Variants in CBLN2 observed in about 807,000 individuals in gnomAD.
CBLN2 encodes cerebellin 2 precursor.
In CBLN2, 7 loss-of-function variants were observed where a neutral mutation model predicts 15.0. The observed-to-expected ratio is 0.47, with a 90% CI of 0.27 to 0.88. The LOEUF is 0.88. CBLN2 is among the 40% of genes least tolerant of loss of function. The probability of loss-of-function intolerance (pLI) is 0.14; values close to 1 mark genes in which losing one functional copy is unlikely to be tolerated. For synonymous variants in CBLN2, 149 were observed against 135.2 expected (o/e 1.10, Z -0.71); for missense variants, 242 against 304.5 (o/e 0.79, Z 1.53).
intron 1 of CBLN2, among the ~76,000 whole-genome samples, chr18:72,551,059 A>G (rs2069189033): frequency 1.3e-5 from 2 of 152,026 alleles, no homozygotes; most frequent in Non-Finnish European, 1.5e-5. Context: ...ATTGCAAACA[A>G]GTACCGTGAC....
intron 3 of CBLN2, 79 bp from the exon 4 acceptor site, chr18:72,538,851 C>T: frequency 1.3e-6 from 2 of 1,551,292 alleles, no homozygotes; most frequent in Non-Finnish European, 8.7e-7. Context: ...GGATAACCAG[C>T]AACACTGCCT....
At chr18:72,550,215 T>C (rs1200786490) in intron 1 of CBLN2, among the ~76,000 whole-genome samples, 1 of 152,230 alleles carries the variant, frequency 6.6e-6, no homozygotes, top group African/African-American at 2.4e-5. Context: ...TGATAAGTCA[T>C]GGAACTGCTA....
At chr18:72,561,260 G>T (rs78820025) in intron 1 of CBLN2, among the ~76,000 whole-genome samples, 5 of 87,356 alleles carry the variant, frequency 5.7e-5, no homozygotes, top group African/African-American at 1.0e-4. Flanking sequence ...AAAAAAAAAA[G>T]ATGCTTGACA....
At chr18:72,557,481 A>T (rs2144888887) in intron 1 of CBLN2, among the ~76,000 whole-genome samples, 1 of 152,352 alleles carries the variant, frequency 6.6e-6, no homozygotes, top group South Asian at 2.1e-4. Flanking sequence ...TGGTTGAAGT[A>T]ATTTTCATTC....
intron 1 of CBLN2, among the ~76,000 whole-genome samples, chr18:72,622,039 C>T (rs1366848653): frequency 6.6e-6 from 1 of 152,068 alleles, no homozygotes. Flanking sequence ...TTTTAATTTT[C>T]TATTTTTATA....
rs114297341 is a variant in CBLN2 at position 72,630,549 on chromosome 18, A to C, written c.15+7776T>G. 9.0e-3 allele frequency among the ~76,000 whole-genome samples: 1,328 copies of C among 147,390 alleles called. 14 individuals carry two copies. Among genetic ancestry groups the C allele is most frequent in the African/African-American group, 0.025 (972 of 38,708 alleles). On this transcript the variant is annotated intron_variant, in intron 1 of 2. Transcript: ENST00000581073. ...TGCACAACTCACAACCCTCCCCCCC[A>C]CACACACACACATGCAGAGAGAGAG... is the stretch of plus-strand genomic sequence containing the variant.
chr18:72,576,061 G>A (rs1306043572), intron 1 of CBLN2, among the ~76,000 whole-genome samples: 2 of 152,176 alleles, frequency 1.3e-5, no homozygotes, highest in Non-Finnish European at 2.9e-5. Context: ...CAGGAAGTGA[G>A]TAGATGTTAG....
chr18:72,538,630 G>C, intron 4 of CBLN2, 23 bp downstream of exon 4: 7 of 1,612,926 alleles, frequency 4.3e-6, no homozygotes, highest in Non-Finnish European at 5.9e-6. Context: ...AACCTGAAAG[G>C]ATCCAGTTTC....
At chr18:72,542,482 G>C (rs1454836895) in intron 2 of CBLN2, among the ~76,000 whole-genome samples, 156 bp from the exon 3 acceptor site, 1 of 152,000 alleles carries the variant, frequency 6.6e-6, no homozygotes, top group South Asian at 2.1e-4. Context: ...TGGCACAACA[G>C]GTCCGGAGAA....
intron 1 of CBLN2, among the ~76,000 whole-genome samples, chr18:72,600,794 G>A (rs570239901): frequency 6.6e-6 from 1 of 152,246 alleles, no homozygotes; most frequent in East Asian, 1.9e-4. Flanking sequence ...GGTGGGTGGG[G>A]GCTAAAGAAC....
rs138844085 is a variant in CBLN2, at chr18:72,551,992, C to T, written c.16-13220G>A. ...TTTCTTTGTGTATGTGATTGTGTTACCCAGTTCCTATGTTCTCTTAGCCTT... is the reference window on the plus strand; with the variant it reads ...TTTCTTTGTGTATGTGATTGTGTTATCCAGTTCCTATGTTCTCTTAGCCTT... On this transcript the variant is annotated intron_variant, in intron 1 of 2. Transcript: ENST00000581073. Among the ~76,000 whole-genome samples the T allele has an allele frequency of 4.3e-3, 662 of 152,232 alleles. 2 individuals are homozygous for T. Among genetic ancestry groups the T allele is most frequent in the Middle Eastern group, 0.034 (10 of 294 alleles).
chr18:72,566,689 A>G (rs1344821109), intron 1 of CBLN2, among the ~76,000 whole-genome samples: 1 of 152,208 alleles, frequency 6.6e-6, no homozygotes, highest in Non-Finnish European at 1.5e-5. Context: ...GTTAATGAGT[A>G]CAATGTTACA....
intron 1 of CBLN2, among the ~76,000 whole-genome samples, chr18:72,575,597 C>A (rs1335628091): frequency 6.6e-6 from 1 of 152,088 alleles, no homozygotes; most frequent in Non-Finnish European, 1.5e-5. Flanking sequence ...GAAAGAAGAG[C>A]CCCTGTTTCA....
At chr18:72,596,279 T>A (rs1288089225) in intron 1 of CBLN2, among the ~76,000 whole-genome samples, 1 of 151,726 alleles carries the variant, frequency 6.6e-6, no homozygotes, top group Non-Finnish European at 1.5e-5. Flanking sequence ...AAACAAAAAA[T>A]TAATAAAAAC....
chr18:72,568,366 G>A (rs908241841), intron 1 of CBLN2, among the ~76,000 whole-genome samples: 10 of 152,138 alleles, frequency 6.6e-5, no homozygotes, highest in Non-Finnish European at 4.4e-5. Flanking sequence ...AGCATCATCA[G>A]CCAAAACTGA....
chr18:72,631,848 C>G (rs1029940444), intron 1 of CBLN2, among the ~76,000 whole-genome samples: 6 of 152,090 alleles, frequency 3.9e-5, no homozygotes, highest in African/African-American at 1.4e-4. Flanking sequence ...CACAATGTAG[C>G]AGGGATGAAG....
At chr18:72,593,831 T>A (rs1397866797) in intron 1 of CBLN2, among the ~76,000 whole-genome samples, 1 of 152,142 alleles carries the variant, frequency 6.6e-6, no homozygotes, top group Non-Finnish European at 1.5e-5. Flanking sequence ...ATGTCATGCA[T>A]GCATAAGTTT....
In CBLN2 at chr18:72,611,252, A is replaced by C. The variant is rs559987476; in HGVS notation, c.15+27073T>G. Among the ~76,000 whole-genome samples the C allele has an allele frequency of 3.3e-5, 5 of 152,226 alleles. No homozygotes were observed. In the South Asian group the frequency reaches 1.0e-3, roughly 32 times the overall value. On this transcript the variant is annotated intron_variant, in intron 1 of 2. Transcript: ENST00000581073. Reference sequence around the variant, plus strand: ...AAGGTTTTATATTCCTTTGGGTATTAATCTAATGTCATGCAATTGCTGAGT... The same window carrying C: ...AAGGTTTTATATTCCTTTGGGTATTCATCTAATGTCATGCAATTGCTGAGT...
intron 1 of CBLN2, among the ~76,000 whole-genome samples, chr18:72,560,991 A>G (rs1259064217): frequency 1.3e-5 from 2 of 152,186 alleles, no homozygotes; most frequent in East Asian, 3.9e-4. Context: ...CCTGGGTGAC[A>G]GAGCGAGACT....
Sources: gnomAD v4.1 joint callset for allele counts (sites outside exome capture counted in the v4.1 genomes callset) on GRCh38, gnomAD v4.1.1 for gene constraint, MANE v1.5 for transcripts, NCBI Gene and HGNC (gene_info 2026-07-23, HGNC 2026-07-21) for gene names.